Variants in SYT14 observed in about 807,000 individuals in gnomAD.
SYT14 encodes the protein synaptotagmin-14.
A neutral mutation model predicts 74.2 loss-of-function variants in SYT14; 32 were observed. That is an observed-to-expected ratio of 0.43 (90% confidence interval 0.33 to 0.58). The LOEUF (loss-of-function observed/expected upper bound fraction) is 0.58, where lower values mean the gene tolerates loss of function less well. SYT14 is among the 20% of genes least tolerant of loss of function. The pLI is 0.05. For missense variants in SYT14, 791 were observed against 981.8 expected, an observed-to-expected ratio of 0.81 and a Z score of 2.60; for synonymous variants, 298 against 337.7, an observed-to-expected ratio of 0.88 and a Z score of 1.29.
intron 7 of SYT14, among the ~76,000 whole-genome samples, chr1:210,127,866 A>T (rs2082598321): frequency 6.6e-6 from 1 of 151,992 alleles, no homozygotes; most frequent in African/African-American, 2.4e-5. Flanking sequence ...TCTCTACTAA[A>T]AATACCAAAA....
chr1:209,973,973 A>AT (rs1221187621), intron 2 of SYT14, among the ~76,000 whole-genome samples: 2 of 151,520 alleles, frequency 1.3e-5, no homozygotes, highest in African/African-American at 2.4e-5. Flanking sequence ...GATGATGAGC[A>AT]TTTTTTCATG....
chr1:210,092,751 G>A (rs962907995), intron 5 of SYT14, among the ~76,000 whole-genome samples: 4 of 152,146 alleles, frequency 2.6e-5, no homozygotes, highest in African/African-American at 9.7e-5. Flanking sequence ...CTCCATGTCT[G>A]TAGGTTCTGC....
intron 7 of SYT14, among the ~76,000 whole-genome samples, chr1:210,106,394 C>T (rs780702919): frequency 1.3e-5 from 2 of 152,086 alleles, no homozygotes; most frequent in Admixed American, 6.5e-5. Context: ...TGTTGGTTGC[C>T]GCTTGTATTA....
chr1:210,028,858 A>C (rs1305898921), intron 5 of SYT14, among the ~76,000 whole-genome samples: 1 of 152,152 alleles, frequency 6.6e-6, no homozygotes, highest in Admixed American at 6.6e-5. Flanking sequence ...ACTGTTTTCC[A>C]CAGTGACTAT....
At chr1:209,956,276 C>T (rs936800294) in intron 2 of SYT14, among the ~76,000 whole-genome samples, 3 of 83,990 alleles carry the variant, frequency 3.6e-5, no homozygotes, top group Non-Finnish European at 4.4e-5. Flanking sequence ...CTGCACTGAA[C>T]AAACCCCAAA....
At chr1:210,114,097 T>C (rs538172716) in intron 7 of SYT14, among the ~76,000 whole-genome samples, 80 of 151,436 alleles carry the variant, frequency 5.3e-4, no homozygotes, top group Non-Finnish European at 1.1e-3. Flanking sequence ...CGAGAAGATC[T>C]GGGAAGGAGT....
At chr1:210,115,761 T>A (rs2102594871) in intron 7 of SYT14, among the ~76,000 whole-genome samples, 1 of 151,328 alleles carries the variant, frequency 6.6e-6, no homozygotes, top group Admixed American at 6.5e-5. Context: ...AGGTCGTAGG[T>A]GGATCTTTCT....
chr1:210,135,026 G>T (rs2082753416), intron 7 of SYT14, among the ~76,000 whole-genome samples: 1 of 151,238 alleles, frequency 6.6e-6, no homozygotes, highest in Non-Finnish European at 1.5e-5. Context: ...TGTCACCCAG[G>T]CTGGAATACA....
At chr1:209,938,325 GGC>G (rs1264902434) in intron 1 of SYT14, 48 bp downstream of exon 1, 1 of 1,532,796 alleles carries the variant, frequency 6.5e-7, no homozygotes, top group Admixed American at 1.9e-5. Flanking sequence ...CCACCCAGCT[GGC>G]GGGGGGCTCG....
At chr1:210,020,905 T>TTA (rs2080287654) in intron 4 of SYT14, 134 bp from the exon 4 acceptor site, 12 of 698,776 alleles carry the variant, frequency 1.7e-5, no homozygotes, top group South Asian at 1.7e-4. Context: ...ATGTGTGTGT[T>TTA]TATATATATA....
intron 5 of SYT14, among the ~76,000 whole-genome samples, chr1:210,040,625 TTAAAATC>T (rs1355563040): frequency 6.6e-6 from 1 of 152,150 alleles, no homozygotes; most frequent in Non-Finnish European, 1.5e-5. Flanking sequence ...GGATCAGACT[TTAAAATC>T]TAATCTGTGT....
At chr1:210,162,591 T>C (rs1275213061) in exon 10 of SYT14, 1 of 375,202 alleles carries the variant, frequency 2.7e-6, no homozygotes, top group Non-Finnish European at 5.1e-6. Flanking sequence ...AACATACTAT[T>C]TACCAGTTAC....
At chr1:210,106,706 G>A (rs1349566360) in intron 7 of SYT14, among the ~76,000 whole-genome samples, 1 of 152,108 alleles carries the variant, frequency 6.6e-6, no homozygotes, top group Non-Finnish European at 1.5e-5. Context: ...TCCTCCCATG[G>A]AGGCGGGATT....
At chr1:210,158,766 C>T (rs1469949852) in intron 8 of SYT14, among the ~76,000 whole-genome samples, 4 of 152,032 alleles carry the variant, frequency 2.6e-5, no homozygotes, top group Non-Finnish European at 4.4e-5. Flanking sequence ...AAGTATAAGT[C>T]AATTTAATTT....
intron 2 of SYT14, among the ~76,000 whole-genome samples, chr1:210,012,263 C>T (rs755683244): frequency 9.2e-5 from 14 of 152,136 alleles, no homozygotes; most frequent in Non-Finnish European, 1.9e-4. Context: ...CTGTTCTTTC[C>T]CAATCATAGC....
intron 6 of SYT14, among the ~76,000 whole-genome samples, chr1:210,099,266 G>C (rs768775491): frequency 2.6e-5 from 4 of 151,986 alleles, no homozygotes; most frequent in Non-Finnish European, 5.9e-5. Context: ...GACAATTACA[G>C]GAAAAATGGT....
intron 2 of SYT14, among the ~76,000 whole-genome samples, chr1:209,979,713 T>G (rs906988799): frequency 6.6e-6 from 1 of 152,212 alleles, no homozygotes; most frequent in Admixed American, 6.5e-5. Context: ...CATTTGGATT[T>G]CTGTTCCTGG....
chr1:210,045,396 A>G (rs1454176126), intron 5 of SYT14, among the ~76,000 whole-genome samples: 1 of 152,214 alleles, frequency 6.6e-6, no homozygotes, highest in African/African-American at 2.4e-5. Context: ...TACATTTCAA[A>G]TTAACACACT....
chr1:210,116,809 C>T (rs10746423), intron 7 of SYT14, among the ~76,000 whole-genome samples: 101,330 of 151,450 alleles, frequency 0.67, 34,946 homozygotes, highest in East Asian at 0.85. Flanking sequence ...ATCTAAAACA[C>T]AGGTGTTCAA....
Sources: allele counts gnomAD v4.1 joint callset (sites outside exome capture counted in the v4.1 genomes callset), GRCh38; gene constraint gnomAD v4.1.1; transcripts MANE v1.5; gene names NCBI Gene and HGNC (gene_info 2026-07-23, HGNC 2026-07-21).